ARHGAP27: variants seen among roughly 807,000 people sequenced by gnomAD.
ARHGAP27 encodes the protein Rho GTPase activating protein 27.
ARHGAP27 carries 53 observed loss-of-function variants against 102.0 expected under a neutral mutation model. The observed-to-expected ratio is 0.52, with a 90% CI of 0.42 to 0.65. The LOEUF (loss-of-function observed/expected upper bound fraction) is 0.65. ARHGAP27 is among the 30% of genes least tolerant of loss of function. ARHGAP27 has a pLI of 0.00. For synonymous variants in ARHGAP27, 525 were observed against 542.8 expected (o/e 0.97, Z 0.46); for missense variants, 1,117 against 1,256.2 (o/e 0.89, Z 1.68).
chr17:45,419,525 TATATATATATATATATATATA>T (rs1358893354), intron 4 of ARHGAP27, among the ~76,000 whole-genome samples: 1 of 20,954 alleles, frequency 4.8e-5, no homozygotes, highest in African/African-American at 9.9e-5. Flanking sequence ...TATATATATA[TATATATATATATATATATATA>T]TATATATATA....
chr17:45,427,787 C>T lies in ARHGAP27; in HGVS notation c.657+1836G>A, dbSNP rs1567738949. Among the ~76,000 whole-genome samples the T allele has an allele frequency of 6.6e-6, 1 of 152,224 alleles. No homozygotes were observed. The highest frequency in any genetic ancestry group is 1.5e-5 in the Non-Finnish European group (1 of 68,030). Reference sequence around the variant, plus strand: ...CTGGCCAATGTCCTAGATTCCCCCCCTGGGTAAGTCCCCTACCCCTATCAT... The same window carrying T: ...CTGGCCAATGTCCTAGATTCCCCCCTTGGGTAAGTCCCCTACCCCTATCAT... On this transcript the variant is annotated intron_variant, in intron 4 of 19. Coordinates refer to ENST00000685559, the MANE Select transcript of ARHGAP27 (RefSeq NM_001282290.2). This position sits in a 1 kb window ranked among gnomAD's most constrained non-coding sequence, Gnocchi z 4.5.
At chr17:45,423,425 C>T (rs2049239677) in intron 4 of ARHGAP27, among the ~76,000 whole-genome samples, 1 of 152,092 alleles carries the variant, frequency 6.6e-6, no homozygotes, top group Non-Finnish European at 1.5e-5. Context: ...CTGAAAAAGG[C>T]ACCCGGTCCA....
intron 4 of ARHGAP27, among the ~76,000 whole-genome samples, chr17:45,410,644 G>A (rs1162100832): frequency 6.6e-6 from 1 of 152,184 alleles, no homozygotes; most frequent in Non-Finnish European, 1.5e-5. Context: ...GAACTGCACA[G>A]AGAGAATCAC....
Position 45,405,066 on chromosome 17 carries a change from C to A in ARHGAP27, c.1106G>T (p.Ser369Ile). The A allele has an allele frequency of 6.2e-7, 1 of 1,606,738 alleles. No individual in the cohort carries two copies. The highest frequency in any genetic ancestry group is 8.5e-7 in the Non-Finnish European group (1 of 1,175,524). ...PETDYPESLT[S>I]YPEEDYSPVG... ...GGGAGAATAGTCCTCCTCGGGGTAA[C>A]TGGTCAGCGACTCGGGGTAGTCCGT... The change falls in exon 6 of 20, where the codon AGT becomes ATT. Residue 369 changes from serine (S) to isoleucine (I), a missense_variant. Ser to Ile is a moderately radical substitution (Grantham distance 142). Coordinates refer to ENST00000685559, the MANE Select transcript of ARHGAP27 (RefSeq NM_001282290.2).
At chr17:45,417,189 C>T (rs746176638) in intron 4 of ARHGAP27, among the ~76,000 whole-genome samples, 7 of 151,384 alleles carry the variant, frequency 4.6e-5, no homozygotes, top group African/African-American at 7.3e-5. Flanking sequence ...TTTGGCTGGG[C>T]GTGGTGGCTT....
At chr17:45,415,272 T>C (rs991850071) in intron 4 of ARHGAP27, among the ~76,000 whole-genome samples, 1 of 152,118 alleles carries the variant, frequency 6.6e-6, no homozygotes, top group African/African-American at 2.4e-5. Context: ...TGTTTGCTCT[T>C]TAAAATCCTC....
chr17:45,419,075 G>T (rs1375053743), intron 4 of ARHGAP27, among the ~76,000 whole-genome samples: 1 of 151,704 alleles, frequency 6.6e-6, no homozygotes, highest in Non-Finnish European at 1.5e-5. Context: ...TCAGCAGGGG[G>T]AACAGAGAGA....
intron 12 of ARHGAP27, among the ~76,000 whole-genome samples, chr17:45,399,136 T>A (rs2046111322): frequency 6.6e-6 from 1 of 152,198 alleles, no homozygotes; most frequent in African/African-American, 2.4e-5. Flanking sequence ...TTAATGTGAA[T>A]GTTTGGCGGC....
Position 45,405,849 on chromosome 17 carries a change from G to A in ARHGAP27, c.892C>T (p.His298Tyr). Reference sequence around the variant, plus strand: ...CCCCACTCGGTCTCAAGGCTCACGTGGCTGTCCACCGAGGCAGGGGAGGTG... The same window carrying A: ...CCCCACTCGGTCTCAAGGCTCACGTAGCTGTCCACCGAGGCAGGGGAGGTG... ...PATSPASVDS[H>Y]VSLETEWGQY... Residue 298 changes from histidine to tyrosine, a missense_variant, in exon 5 of 20, where the codon CAC (histidine) becomes TAC (tyrosine). This residue lies in a region of ARHGAP27 where 610 missense variants were observed against 716.4 expected (regional missense o/e 0.85). Transcript: ENST00000685559. 1 of 1,536,418 alleles carries A rather than the reference G, an allele frequency of 6.5e-7. No homozygotes were observed. The highest frequency in any genetic ancestry group is 8.7e-7 in the Non-Finnish European group (1 of 1,146,944).
chr17:45,399,591 C>CAACGAAAAGAAAAGAAAAGAAAAGA (rs2046175712), intron 12 of ARHGAP27, among the ~76,000 whole-genome samples: 1 of 141,128 alleles, frequency 7.1e-6, no homozygotes, highest in Non-Finnish European at 1.5e-5. Context: ...CACTCTGTCT[C>CAACGAAAAGAAAAGAAAAGAAAAGA]AAAGAAAAGA....
chr17:45,406,094 A>G lies in ARHGAP27; in HGVS notation c.658-11T>C, dbSNP rs1401206969. ...CGGTGGGTCGTCCACCTGCGGGAGGAGAAAGGAGGAATTTTGTGTTTTCAG... is the reference window on the plus strand; with the variant it reads ...CGGTGGGTCGTCCACCTGCGGGAGGGGAAAGGAGGAATTTTGTGTTTTCAG... On this transcript the variant is annotated splice_polypyrimidine_tract_variant and intron_variant, in intron 4 of 19. Coordinates refer to ENST00000685559, the MANE Select transcript of ARHGAP27 (RefSeq NM_001282290.2). 6.7e-7 allele frequency: 1 copy of G among 1,502,362 alleles called. No individual in the cohort carries two copies. Among genetic ancestry groups the G allele is most frequent in the East Asian group, 2.5e-5 (1 of 40,434 alleles). 93.1% of individuals were successfully genotyped at this position (1,502,362 alleles called of 1,614,324 possible). A position where few individuals can be genotyped will look rare whatever the true frequency, so the allele number is the denominator to read the frequency against.
chr17:45,404,308 C>G lies in ARHGAP27; in HGVS notation c.1440G>C (p.Gly480=), dbSNP rs2046851233. The G allele has an allele frequency of 6.2e-7, 1 of 1,613,934 alleles. No individual in the cohort carries two copies. Among genetic ancestry groups the G allele is most frequent in the Non-Finnish European group, 8.5e-7 (1 of 1,179,988 alleles). The change falls in exon 9 of 20, where the codon GGG becomes GGC. Residue 480 remains glycine, a synonymous_variant. Coordinates refer to ENST00000685559, the MANE Select transcript of ARHGAP27 (RefSeq NM_001282290.2). ...EKVPAELDEV[G]SWEEVSPATA... is the part of the protein sequence containing the mutation. ...TGGCAGGAGAGACTTCCTCCCAGCT[C>G]CCAACCTCATCCAGCTCTGCTGGGA...
intron 9 of ARHGAP27, 28 bp downstream of exon 9, chr17:45,404,241 C>G (rs761067554): frequency 1.7e-5 from 28 of 1,613,308 alleles, no homozygotes; most frequent in Non-Finnish European, 2.2e-5. Context: ...GCACCACCAC[C>G]TGGCTGGGGG....
At chr17:45,423,966 C>T (rs2144983751) in intron 4 of ARHGAP27, among the ~76,000 whole-genome samples, 1 of 152,326 alleles carries the variant, frequency 6.6e-6, no homozygotes, top group South Asian at 2.1e-4. Flanking sequence ...GTAATTTACA[C>T]ATTTAACTGG....
intron 4 of ARHGAP27, chr17:45,409,534 G>A (rs1251413703): frequency 1.3e-5 from 2 of 152,358 alleles, no homozygotes; most frequent in Non-Finnish European, 2.9e-5. Context: ...AGGTAGTGAG[G>A]GGCCCTCACT....
intron 4 of ARHGAP27, among the ~76,000 whole-genome samples, chr17:45,416,553 T>C (rs1451242245): frequency 6.6e-6 from 1 of 151,462 alleles, no homozygotes; most frequent in Admixed American, 6.6e-5. Context: ...GTATTCTTTT[T>C]TTAATTTTTT....
rs527403674 is a variant in ARHGAP27 at position 45,404,450 on chromosome 17, C to G, written c.1408G>C (p.Glu470Gln). ...CTCAATGGCTCCTCCCCTACCTTCT[C>G]CTCTGGAGGGCTGGCCTGGGCTGGG... is the stretch of plus-strand genomic sequence containing the variant. ...DTPAQASPPE[E>Q]KVPAELDEVG... Residue 470 changes from glutamate to glutamine, a missense_variant, in exon 8 of 20, where the codon GAG becomes CAG. Physicochemically the swap from Glu to Gln is conservative, Grantham distance 29. Transcript: ENST00000685559. 6.2e-7 allele frequency: 1 copy of G among 1,614,070 alleles called. No homozygotes were observed. Among genetic ancestry groups the G allele is most frequent in the East Asian group, 2.2e-5 (1 of 44,890 alleles).
chr17:45,412,962 CTTTTTTTTTTTTTT>C (rs36233058), intron 4 of ARHGAP27, among the ~76,000 whole-genome samples: 9,883 of 40,714 alleles, frequency 0.24, 810 homozygotes, highest in Non-Finnish European at 0.3. Context: ...TCAGTATAAT[CTTTTTTTTTTTTTT>C]TTTTTTTTTT....
chr17:45,407,561 C>A (rs1242433636), intron 4 of ARHGAP27: 2 of 148,838 alleles, frequency 1.3e-5, no homozygotes, highest in Non-Finnish European at 3.0e-5. Context: ...GTCGTCCAGA[C>A]TGGAGTGGAA....
Sources: gnomAD v4.1 joint callset for allele counts (sites outside exome capture counted in the v4.1 genomes callset) on GRCh38, gnomAD v4.1.1 for gene constraint, gnomAD v4.1.1 regional missense constraint, Gnocchi (gnomAD v3.1) non-coding constraint, MANE v1.5 for transcripts, NCBI Gene and HGNC (gene_info 2026-07-23, HGNC 2026-07-21) for gene names.